Variants in DAO observed in about 807,000 individuals in gnomAD.
The protein encoded by DAO is D-amino-acid oxidase.
DAO carries 51 observed loss-of-function variants against 50.1 expected under a neutral mutation model. The observed-to-expected ratio is 1.02, with a 90% CI of 0.81 to 1.29. The LOEUF (loss-of-function observed/expected upper bound fraction) is 1.29, where lower values mean the gene tolerates loss of function less well. Ranked by LOEUF, DAO falls within the 50% of genes most tolerant of loss-of-function variation. DAO has a pLI of 0.00. For missense variants in DAO, 436 were observed against 439.4 expected (o/e 0.99, Z 0.07); for synonymous variants, 160 against 166.2 (o/e 0.96, Z 0.29).
chr12:108,897,362 GCC>G (rs1197976404), intron 8 of DAO, among the ~76,000 whole-genome samples: 8 of 152,028 alleles, frequency 5.3e-5, no homozygotes, highest in Non-Finnish European at 1.2e-4. Context: ...GATTACAGGT[GCC>G]CACCACCACA....
Position 108,884,993 on chromosome 12 carries a change from C to A in DAO, c.-9-5C>A. ...ATGTTGTGCCTCAACCCTTCCTTCC[C>A]ACAGGCTGCTGCAATGCGTGTGGTG... On this transcript the variant is annotated splice_region_variant and splice_polypyrimidine_tract_variant and intron_variant, in intron 1 of 10. Coordinates refer to ENST00000228476, the MANE Select transcript of DAO (RefSeq NM_001917.5). 6.2e-7 allele frequency: 1 copy of A among 1,613,974 alleles called. No homozygotes were observed. Among genetic ancestry groups the A allele is most frequent in the South Asian group, 1.1e-5 (1 of 91,072 alleles).
Position 108,887,531 on chromosome 12 carries a change from C to A in DAO, c.276C>A (p.Ile92=). The A allele has an allele frequency of 1.2e-6, 2 of 1,614,022 alleles. No homozygotes were observed. Among genetic ancestry groups the A allele is most frequent in the Non-Finnish European group, 8.5e-7 (1 of 1,179,922 alleles). Reference sequence around the variant, plus strand: ...CTGAAAACCTGGGCCTGTTCCTAATCTCGGGCTACAACCTCTTCCATGAAG... The same window carrying A: ...CTGAAAACCTGGGCCTGTTCCTAATATCGGGCTACAACCTCTTCCATGAAG... ...PNAENLGLFL[I]SGYNLFHEAI... Residue 92 remains isoleucine (I), a synonymous_variant, in exon 3 of 11, where the codon ATC becomes ATA. Transcript: ENST00000228476.
intron 2 of DAO, among the ~76,000 whole-genome samples, chr12:108,886,824 C>CA (rs11464907): frequency 0.34 from 52,202 of 151,956 alleles, 10,167 homozygotes; most frequent in Admixed American, 0.48. Flanking sequence ...GGCAGTGATT[C>CA]GGGGCCCAGG....
intron 10 of DAO, chr12:108,900,011 G>T (rs1186160817): frequency 3.1e-6 from 1 of 317,582 alleles, no homozygotes; most frequent in Non-Finnish European, 6.1e-6. Context: ...ACAGCAGCAA[G>T]TCCATTACAT....
At chr12:108,893,159 C>G (rs2039510695) in intron 6 of DAO, 123 bp downstream of exon 6, 3 of 827,548 alleles carry the variant, frequency 3.6e-6, no homozygotes, top group South Asian at 2.9e-5. Flanking sequence ...GCCTCAGACC[C>G]TTGCCCCAGA....
chr12:108,900,243 G>A, intron 10 of DAO, 161 bp from the exon 11 acceptor site: 2 of 805,840 alleles, frequency 2.5e-6, no homozygotes, highest in Non-Finnish European at 2.1e-6. Flanking sequence ...GTTCCAGGGG[G>A]TCCCCACCAT....
rs59694062 is a variant in DAO, at chr12:108,881,474, AACAC to A, written c.-10+1283_-10+1286del. Among the ~76,000 whole-genome samples the A allele has an allele frequency of 7.8e-3, 1,084 of 138,478 alleles. 7 individuals are homozygous for A. Among genetic ancestry groups the A allele is most frequent in the African/African-American group, 0.017 (609 of 36,716 alleles). 90.8% of individuals were successfully genotyped at this position (138,478 alleles called of 152,430 possible). The stretch of plus-strand genomic sequence containing the variant: ...CTCATGCATTTATTTTGTATTTTAA[AACAC>A]ACACACACACACACACACACACACA... On this transcript the variant is annotated intron_variant, in intron 1 of 10. Transcript: ENST00000228476.
At chr12:108,885,498 T>C (rs990624326) in intron 2 of DAO, among the ~76,000 whole-genome samples, 1 of 152,002 alleles carries the variant, frequency 6.6e-6, no homozygotes, top group African/African-American at 2.4e-5. Context: ...TAATCCCAGC[T>C]ACTCGGGAGG....
At chr12:108,900,184 G>A (rs1322234119) in intron 10 of DAO, 1 of 533,424 alleles carries the variant, frequency 1.9e-6, no homozygotes, top group African/African-American at 1.9e-5. Context: ...TGACTCCAAG[G>A]CTATTTCCAG....
chr12:108,897,123 C>T, intron 8 of DAO, 35 bp downstream of exon 8: 2 of 1,449,238 alleles, frequency 1.4e-6, no homozygotes, highest in South Asian at 1.1e-5. Context: ...GAAGAGTGGT[C>T]CCCTTCATGC....
chr12:108,889,102 C>A (rs1191557669), intron 3 of DAO, among the ~76,000 whole-genome samples: 1 of 136,680 alleles, frequency 7.3e-6, no homozygotes, highest in African/African-American at 3.1e-5. Flanking sequence ...AAGTCTCTGT[C>A]ATTATCATTT....
chr12:108,889,228 C>T (rs1024569849), intron 3 of DAO, among the ~76,000 whole-genome samples: 6 of 151,996 alleles, frequency 3.9e-5, no homozygotes, highest in African/African-American at 1.4e-4. Flanking sequence ...GCCTCAATCT[C>T]CTGAGTATCT....
intron 6 of DAO, among the ~76,000 whole-genome samples, chr12:108,893,647 C>G (rs753667410): frequency 5.3e-5 from 8 of 152,156 alleles, no homozygotes; most frequent in Non-Finnish European, 1.2e-4. Context: ...ATGCAGTCCT[C>G]ATTCTCAGTC....
At chr12:108,887,419 T>C (rs769070121) in intron 2 of DAO, 31 bp from the exon 3 acceptor site, 1 of 1,539,002 alleles carries the variant, frequency 6.5e-7, no homozygotes, top group South Asian at 1.1e-5. Context: ...CTCAGGGCAT[T>C]GGGTGATCGA....
chr12:108,886,336 C>T (rs2039435832), intron 2 of DAO, among the ~76,000 whole-genome samples: 1 of 152,038 alleles, frequency 6.6e-6, no homozygotes, highest in Non-Finnish European at 1.5e-5. Flanking sequence ...ATCTAGAAAA[C>T]TTCTAAGTGG....
In DAO at chr12:108,897,034, T is replaced by C. The variant is rs1352015862; in HGVS notation, c.641T>C (p.Ile214Thr). The C allele has an allele frequency of 3.7e-6, 6 of 1,613,898 alleles. No homozygotes were observed. Among genetic ancestry groups the C allele is most frequent in the Non-Finnish European group, 5.1e-6 (6 of 1,179,960 alleles). ...KVDAPWMKHFILTHDPERGIY... is the reference protein window; with the variant it reads ...KVDAPWMKHFTLTHDPERGIY... ...GACGCCCCTTGGATGAAGCACTTCA[T>C]TCTCACCCATGACCCAGAGAGAGGC... is the stretch of plus-strand genomic sequence containing the variant. Residue 214 changes from isoleucine to threonine, a missense_variant, in exon 8 of 11, where the codon ATT becomes ACT. By Grantham distance (89) the Ile-to-Thr change is moderately conservative. Transcript: ENST00000228476.
chr12:108,886,527 A>G (rs2039438179), intron 2 of DAO, among the ~76,000 whole-genome samples: 1 of 151,336 alleles, frequency 6.6e-6, no homozygotes, highest in South Asian at 2.1e-4. Context: ...GTGCAGTGAC[A>G]TGATCATAGC....
intron 8 of DAO, among the ~76,000 whole-genome samples, chr12:108,897,811 A>G (rs919286330): frequency 1.3e-5 from 2 of 152,014 alleles, no homozygotes; most frequent in Admixed American, 6.6e-5. Flanking sequence ...GCCGGGCGTG[A>G]TGGTGTATGC....
chr12:108,895,570 G>A lies in DAO; in HGVS notation c.612+1203G>A, dbSNP rs1000026799. Among the ~76,000 whole-genome samples the A allele has an allele frequency of 3.3e-5, 5 of 149,584 alleles. No individual in the cohort carries two copies. The Admixed American group carries it at 3.3e-4, about 10-fold the overall frequency. ...TGTGTGCATGTGTGTGAAGGTGTGT[G>A]CGCATGTGAGAGTGTATGTACGTGT... On this transcript the variant is annotated intron_variant, in intron 7 of 10. Coordinates refer to ENST00000228476, the MANE Select transcript of DAO (RefSeq NM_001917.5).
Sources: allele counts gnomAD v4.1 joint callset (sites outside exome capture counted in the v4.1 genomes callset), GRCh38; gene constraint gnomAD v4.1.1; transcripts MANE v1.5; gene names NCBI Gene and HGNC (gene_info 2026-07-23, HGNC 2026-07-21).